Variants in MEMO1 observed in about 807,000 individuals in gnomAD.
The protein encoded by MEMO1 is mediator of cell motility 1, also known as protein MEMO1.
Under a neutral mutation model 45.2 loss-of-function variants are expected in MEMO1, and 6 were observed. That is an observed-to-expected ratio of 0.13 (90% CI 0.07 to 0.26). The LOEUF (loss-of-function observed/expected upper bound fraction) is 0.26, where lower values mean the gene tolerates loss of function less well. Ranked by LOEUF, MEMO1 falls within the 10% of genes least tolerant of loss-of-function variation. MEMO1 has a pLI of 1.00. For missense variants in MEMO1, 184 were observed against 370.5 expected, an observed-to-expected ratio of 0.50 and a Z score of 4.13; for synonymous variants, 78 against 124.3, an observed-to-expected ratio of 0.63 and a Z score of 2.48.
chr2:31,869,602 A>G (rs1015157767), intron 9 of MEMO1, among the ~76,000 whole-genome samples: 2 of 152,128 alleles, frequency 1.3e-5, no homozygotes, highest in African/African-American at 4.8e-5. Context: ...AAGAGTCAAG[A>G]GAAAATGTGG....
At chr2:31,886,832 T>C (rs530739774) in intron 7 of MEMO1, among the ~76,000 whole-genome samples, 12 of 152,298 alleles carry the variant, frequency 7.9e-5, no homozygotes, top group African/African-American at 2.6e-4. Flanking sequence ...AATGGATTCT[T>C]TGAGCCCCTG....
intron 6 of MEMO1, among the ~76,000 whole-genome samples, chr2:31,912,653 T>TACAAAAAAACA (rs1680764116): frequency 6.6e-6 from 1 of 151,310 alleles, no homozygotes; most frequent in Admixed American, 6.6e-5. Flanking sequence ...CAGAACAAAG[T>TACAAAAAAACA]GTATAAGATA....
intron 9 of MEMO1, among the ~76,000 whole-genome samples, chr2:31,869,071 T>C (rs527603830): frequency 7.2e-5 from 11 of 152,288 alleles, no homozygotes; most frequent in African/African-American, 2.6e-4. Context: ...AGTCAATCAA[T>C]ACAGCTTAGA....
intron 4 of MEMO1, among the ~76,000 whole-genome samples, chr2:31,930,674 T>G (rs1266306288): frequency 6.6e-6 from 1 of 152,018 alleles, no homozygotes; most frequent in Non-Finnish European, 1.5e-5. Flanking sequence ...TGAAACGCAG[T>G]CTTGCTCTGT....
intron 2 of MEMO1, among the ~76,000 whole-genome samples, chr2:31,986,187 G>C (rs1352205012): frequency 1.3e-5 from 2 of 152,128 alleles, no homozygotes; most frequent in Non-Finnish European, 2.9e-5. Context: ...GAGGTCAGGT[G>C]GTCGAGACCA....
At chr2:31,897,971 C>G (rs1209083270) in intron 6 of MEMO1, among the ~76,000 whole-genome samples, 1 of 151,906 alleles carries the variant, frequency 6.6e-6, no homozygotes, top group Non-Finnish European at 1.5e-5. Context: ...GGAATTTATC[C>G]ATTTCTTCTA....
At chr2:31,875,012 T>G (rs984038908) in intron 8 of MEMO1, among the ~76,000 whole-genome samples, 2 of 151,772 alleles carry the variant, frequency 1.3e-5, no homozygotes, top group African/African-American at 4.8e-5. Context: ...GTATTCTAAC[T>G]CCCAGAATTG....
chr2:31,906,321 G>T (rs1313467839), intron 6 of MEMO1, among the ~76,000 whole-genome samples: 1 of 147,970 alleles, frequency 6.8e-6, no homozygotes, highest in Non-Finnish European at 1.5e-5. Flanking sequence ...TTGTTTGTTT[G>T]TTTTTGTTTT....
intron 2 of MEMO1, among the ~76,000 whole-genome samples, chr2:31,996,068 C>T (rs535802286): frequency 6.6e-6 from 1 of 151,978 alleles, no homozygotes; most frequent in Non-Finnish European, 1.5e-5. Flanking sequence ...AAACATATAT[C>T]CCAATATGCA....
intron 7 of MEMO1, among the ~76,000 whole-genome samples, chr2:31,889,254 T>C (rs1038724989): frequency 2.0e-5 from 3 of 152,094 alleles, no homozygotes; most frequent in Non-Finnish European, 2.9e-5. Flanking sequence ...TGTACTGCAA[T>C]AATTTTTTTC....
chr2:31,965,453 A>G (rs1400127535), intron 2 of MEMO1, among the ~76,000 whole-genome samples: 1 of 152,182 alleles, frequency 6.6e-6, no homozygotes, highest in African/African-American at 2.4e-5. Context: ...TAAATGGGGT[A>G]AATGAGGGTT....
intron 2 of MEMO1, among the ~76,000 whole-genome samples, chr2:32,008,302 C>CT (rs1674352770): frequency 6.6e-6 from 1 of 152,234 alleles, no homozygotes; most frequent in African/African-American, 2.4e-5. Context: ...CATTGAACTT[C>CT]TGGCCTGGCA....
intron 2 of MEMO1, among the ~76,000 whole-genome samples, chr2:31,969,486 G>A (rs565003735): frequency 6.6e-6 from 1 of 150,860 alleles, no homozygotes; most frequent in Non-Finnish European, 1.5e-5. Context: ...CATTTTTATA[G>A]ACAGAAAAAA....
chr2:31,916,378 G>A (rs772551213), intron 6 of MEMO1, among the ~76,000 whole-genome samples: 9 of 151,884 alleles, frequency 5.9e-5, no homozygotes, highest in East Asian at 1.9e-4. Context: ...ACAAGCACCC[G>A]ACACCACACA....
intron 4 of MEMO1, chr2:31,923,487 G>A: frequency 1.2e-6 from 1 of 843,612 alleles, no homozygotes. Flanking sequence ...TCTAAATGAA[G>A]AAAAACTAAA....
chr2:31,943,265 AAAAAACAAAAC>A (rs1292852416), intron 3 of MEMO1, 26 bp downstream of exon 3: 7 of 1,544,050 alleles, frequency 4.5e-6, no homozygotes, highest in Middle Eastern at 1.8e-4. Context: ...ACTCCTTCTC[AAAAAACAAAAC>A]AAAAACAAAA....
chr2:31,959,774 T>A (rs1386678935), intron 2 of MEMO1, among the ~76,000 whole-genome samples: 1 of 30,718 alleles, frequency 3.3e-5, no homozygotes, highest in Admixed American at 5.1e-4. Context: ...ACCTTGGGCA[T>A]CAGCAATTGT....
At chr2:31,906,283 C>CT (rs1169469932) in intron 6 of MEMO1, among the ~76,000 whole-genome samples, 7 of 150,858 alleles carry the variant, frequency 4.6e-5, no homozygotes, top group African/African-American at 1.2e-4. Flanking sequence ...GAGTGCTATT[C>CT]TTTTGTTTTT....
chr2:31,935,099 A>AATT lies in MEMO1; in HGVS notation c.144-2967_144-2965dup, dbSNP rs537160689. On this transcript the variant is annotated intron_variant, in intron 3 of 9. Transcript: ENST00000404530. The stretch of plus-strand genomic sequence containing the variant: ...CCCCACTCCAACCATATGAGGTAGG[A>AATT]ATTATTATTATTGTCATTTTACAGA... Among the ~76,000 whole-genome samples, 164 of 152,294 alleles carry AATT rather than the reference A, an allele frequency of 1.1e-3. 1 individual carries two copies. Among genetic ancestry groups the AATT allele is most frequent in the African/African-American group, 3.9e-3 (161 of 41,554 alleles).
Sources: allele counts gnomAD v4.1 joint callset (sites outside exome capture counted in the v4.1 genomes callset), GRCh38; gene constraint gnomAD v4.1.1; transcripts MANE v1.5; gene names NCBI Gene and HGNC (gene_info 2026-07-23, HGNC 2026-07-21).